The following NFIA variants were observed in gnomAD, a reference collection of about 807,000 sequenced individuals.
NFIA encodes the protein nuclear factor 1 A-type.
Under a neutral mutation model 62.8 loss-of-function variants are expected in NFIA, and 8 were observed. The ratio of observed to expected loss-of-function variants is 0.13; its 90% CI spans 0.07 to 0.23. The LOEUF is 0.23. NFIA is among the 10% of genes least tolerant of loss of function. NFIA has a pLI of 1.00. For synonymous variants in NFIA, 235 were observed against 238.1 expected (o/e 0.99, Z 0.12); for missense variants, 410 against 642.1 (o/e 0.64, Z 3.91).
intron 9 of NFIA, among the ~76,000 whole-genome samples, chr1:61,414,704 C>T (rs1427031308): frequency 6.6e-6 from 1 of 151,958 alleles, no homozygotes; most frequent in Admixed American, 6.6e-5. Context: ...ACTGTGTTTC[C>T]TCTGTCAGAG....
intron 3 of NFIA, among the ~76,000 whole-genome samples, chr1:61,307,157 T>C (rs148546611): frequency 6.6e-6 from 1 of 152,284 alleles, no homozygotes; most frequent in Non-Finnish European, 1.5e-5. Context: ...GCTATGGCCT[T>C]AATGTTTGTG....
intron 2 of NFIA, among the ~76,000 whole-genome samples, chr1:61,231,788 C>T (rs780894253): frequency 6.6e-6 from 1 of 151,998 alleles, no homozygotes; most frequent in Non-Finnish European, 1.5e-5. Flanking sequence ...GTGATTGTAA[C>T]TGAGAATAGC....
Position 61,456,376 on chromosome 1 carries a change from A to T in NFIA, c.*1056A>T, listed in dbSNP as rs1005318362. ...TCCCTTTAAAAACTGAAGGAAATTA[A>T]AAAAAAAAAACAAAAAAACAAATCT... On this transcript the variant is annotated 3_prime_UTR_variant, in exon 11 of 11. Transcript: ENST00000403491. 2.0e-5 allele frequency: 3 copies of T among 149,950 alleles called. No homozygotes were observed. The highest frequency in any genetic ancestry group is 7.5e-5 in the African/African-American group (3 of 40,102). The allele number at this position is 149,950 out of a possible 1,614,324, so 9.3% of individuals were successfully genotyped here.
At chr1:61,238,653 G>A (rs1168482233) in intron 2 of NFIA, among the ~76,000 whole-genome samples, 6 of 152,104 alleles carry the variant, frequency 3.9e-5, no homozygotes, top group Non-Finnish European at 8.8e-5. Flanking sequence ...GTTTGGCAGC[G>A]CACTAAGTTG....
intron 3 of NFIA, among the ~76,000 whole-genome samples, chr1:61,329,940 G>T (rs906330403): frequency 2.0e-5 from 3 of 152,150 alleles, no homozygotes; most frequent in African/African-American, 7.2e-5. Context: ...AGCCACAGTC[G>T]CAGGAGGGTG....
chr1:61,347,697 C>A (rs1662316642), intron 4 of NFIA, among the ~76,000 whole-genome samples: 1 of 152,148 alleles, frequency 6.6e-6, no homozygotes, highest in African/African-American at 2.4e-5. Context: ...TGAAATTTAG[C>A]ATGTTCGGCA....
chr1:61,422,827 C>T (rs887281210), intron 9 of NFIA, among the ~76,000 whole-genome samples: 1 of 151,712 alleles, frequency 6.6e-6, no homozygotes, highest in Non-Finnish European at 1.5e-5. Flanking sequence ...TGTCCATGTA[C>T]CCCACAGTGC....
intron 2 of NFIA, among the ~76,000 whole-genome samples, chr1:61,245,506 GATT>G (rs766254738): frequency 1.3e-4 from 19 of 151,932 alleles, no homozygotes; most frequent in Non-Finnish European, 2.1e-4. Context: ...ATTAATAATT[GATT>G]ATTATTTTTC....
intron 2 of NFIA, among the ~76,000 whole-genome samples, chr1:61,248,690 A>T (rs777036011): frequency 7.3e-4 from 111 of 152,234 alleles, no homozygotes; most frequent in Non-Finnish European, 1.3e-3. Flanking sequence ...CAACTTAAAT[A>T]AGAAACTTCC....
At chr1:61,198,858 C>T (rs1350317518) in intron 2 of NFIA, among the ~76,000 whole-genome samples, 1 of 152,200 alleles carries the variant, frequency 6.6e-6, no homozygotes, top group Non-Finnish European at 1.5e-5. Flanking sequence ...TTTCAAATTG[C>T]ATGCATTTGT....
intron 2 of NFIA, among the ~76,000 whole-genome samples, chr1:61,159,978 G>A (rs1036907466): frequency 2.6e-5 from 4 of 152,134 alleles, no homozygotes; most frequent in Non-Finnish European, 5.9e-5. Flanking sequence ...CACCGCGCCC[G>A]GCCTGTAGAT....
intron 10 of NFIA, among the ~76,000 whole-genome samples, chr1:61,447,269 C>G (rs141113863): frequency 1.1e-3 from 175 of 152,270 alleles, no homozygotes; most frequent in African/African-American, 4.0e-3. Context: ...TGTCTTCAGA[C>G]CAGGAGCCAG....
chr1:61,398,957 A>G (rs1239375355), intron 7 of NFIA, among the ~76,000 whole-genome samples: 1 of 152,026 alleles, frequency 6.6e-6, no homozygotes, highest in East Asian at 1.9e-4. Flanking sequence ...TGTTCTATTT[A>G]CCCTTATGGA....
At chr1:61,341,589 C>T (rs1661917336) in intron 4 of NFIA, among the ~76,000 whole-genome samples, 1 of 152,018 alleles carries the variant, frequency 6.6e-6, no homozygotes, top group Non-Finnish European at 1.5e-5. Context: ...GGGATCCTCC[C>T]ACCTCAGCCT....
chr1:61,373,108 G>A (rs1035278218), intron 6 of NFIA, among the ~76,000 whole-genome samples: 3 of 152,044 alleles, frequency 2.0e-5, no homozygotes, highest in Admixed American at 6.6e-5. Flanking sequence ...ATTGCACAAC[G>A]CTAGCTTCCC....
At chr1:61,210,813 T>C (rs1653202358) in intron 2 of NFIA, among the ~76,000 whole-genome samples, 1 of 152,192 alleles carries the variant, frequency 6.6e-6, no homozygotes, top group South Asian at 2.1e-4. Context: ...TTTCCTTGGC[T>C]CTCTTGGCTC....
chr1:61,198,317 T>G (rs995013713), intron 2 of NFIA, among the ~76,000 whole-genome samples: 4 of 152,244 alleles, frequency 2.6e-5, no homozygotes, highest in African/African-American at 9.6e-5. Context: ...TTCCAATCTA[T>G]GCAAATCAGA....
At chr1:61,303,213 A>G (rs942728313) in intron 3 of NFIA, among the ~76,000 whole-genome samples, 26 of 152,236 alleles carry the variant, frequency 1.7e-4, no homozygotes, top group Admixed American at 4.6e-4. Context: ...GCAGAATGTA[A>G]TCATTCCTTC....
chr1:61,284,252 A>G (rs1327913056), intron 3 of NFIA, among the ~76,000 whole-genome samples: 2 of 152,226 alleles, frequency 1.3e-5, no homozygotes, highest in Non-Finnish European at 2.9e-5. Context: ...ATTCTGACTG[A>G]TGAATTTTCA....
Sources: gnomAD v4.1 joint callset for allele counts (sites outside exome capture counted in the v4.1 genomes callset) on GRCh38, gnomAD v4.1.1 for gene constraint, MANE v1.5 for transcripts, NCBI Gene and HGNC (gene_info 2026-07-23, HGNC 2026-07-21) for gene names.